The following REC114 variants were observed in gnomAD, a reference collection of about 807,000 sequenced individuals.
REC114 encodes the protein REC114 meiotic recombination protein, also known as meiotic recombination protein REC114.
Under a neutral mutation model 31.3 loss-of-function variants are expected in REC114, and 27 were observed. The ratio of observed to expected loss-of-function variants is 0.86; its 90% confidence interval spans 0.64 to 1.19. The LOEUF is 1.19. REC114 is among the 50% of genes most tolerant of loss of function. REC114 has a pLI of 0.00. For synonymous variants in REC114, 134 were observed against 127.7 expected (o/e 1.05, Z -0.33); for missense variants, 344 against 326.9 (o/e 1.05, Z -0.40).
chr15:73,486,599 A>T (rs80066760), intron 2 of REC114, among the ~76,000 whole-genome samples: 3,576 of 152,332 alleles, frequency 0.023, 66 homozygotes, highest in Non-Finnish European at 0.032. Context: ...GCAAATTTAT[A>T]TCTTACAGTT....
chr15:73,473,736 A>G, intron 1 of REC114, 96 bp from the exon 2 acceptor site: 1 of 671,892 alleles, frequency 1.5e-6, no homozygotes, highest in Non-Finnish European at 2.5e-6. Flanking sequence ...GAGTAAAAAG[A>G]TCAATATGAG....
chr15:73,449,630 C>T (rs1329051122), intron 1 of REC114, among the ~76,000 whole-genome samples: 2 of 152,226 alleles, frequency 1.3e-5, no homozygotes, highest in East Asian at 3.9e-4. Flanking sequence ...CATTCAAATT[C>T]AGGAAATACA....
At chr15:73,556,974 C>G (rs1265447472) in intron 5 of REC114, among the ~76,000 whole-genome samples, 1 of 151,994 alleles carries the variant, frequency 6.6e-6, no homozygotes, top group Non-Finnish European at 1.5e-5. Flanking sequence ...TTGTCTCCCC[C>G]TCACTGCATT....
chr15:73,483,274 C>T (rs1195217678), intron 2 of REC114: 4 of 156,190 alleles, frequency 2.6e-5, no homozygotes, highest in Non-Finnish European at 4.3e-5. Context: ...GCTGCCGCTG[C>T]TGCTGCTGCT....
At chr15:73,546,452 C>G (rs1264422708) in intron 3 of REC114, among the ~76,000 whole-genome samples, 1 of 151,960 alleles carries the variant, frequency 6.6e-6, no homozygotes, top group East Asian at 1.9e-4. Context: ...TGGAAATAAC[C>G]TAAATGTTCA....
At chr15:73,557,953 A>G (rs1230432251) in intron 5 of REC114, among the ~76,000 whole-genome samples, 1 of 152,238 alleles carries the variant, frequency 6.6e-6, no homozygotes, top group Non-Finnish European at 1.5e-5. Flanking sequence ...TATGTTCATC[A>G]CAATGCTTAA....
rs58043618 is a variant in REC114, at chr15:73,500,728, G to GTTT, written c.249+26823_249+26825dup. ...TTAAAGCCTGTTCTCTTCAATTATT[G>GTTT]TTTTTTTTTTTTTTTTTTCACTGCT... On this transcript the variant is annotated intron_variant, in intron 2 of 5. Transcript: ENST00000331090. Among the ~76,000 whole-genome samples the GTTT allele has an allele frequency of 1.7e-4, 18 of 103,726 alleles. 1 individual carries two copies. Among genetic ancestry groups the GTTT allele is most frequent in the African/African-American group, 4.0e-4 (12 of 30,178 alleles). The allele number at this position is 103,726 out of a possible 152,430, so 68.0% of individuals were successfully genotyped here.
chr15:73,486,763 G>A (rs1172531592), intron 2 of REC114, among the ~76,000 whole-genome samples: 2 of 152,092 alleles, frequency 1.3e-5, no homozygotes, highest in Non-Finnish European at 1.5e-5. Context: ...CTGGCTGGGC[G>A]CAGTGGCTCA....
chr15:73,553,180 C>A (rs746561440), intron 4 of REC114, among the ~76,000 whole-genome samples: 1 of 152,146 alleles, frequency 6.6e-6, no homozygotes, highest in Non-Finnish European at 1.5e-5. Context: ...ATTTATTATA[C>A]AATCTTTTTC....
chr15:73,553,231 G>GT (rs1894416573), intron 4 of REC114, among the ~76,000 whole-genome samples: 2 of 152,128 alleles, frequency 1.3e-5, no homozygotes, highest in Non-Finnish European at 2.9e-5. Flanking sequence ...AATGTATTTA[G>GT]TTTACCAAAC....
chr15:73,470,838 G>A (rs79616037), intron 1 of REC114, among the ~76,000 whole-genome samples: 3,230 of 152,224 alleles, frequency 0.021, 132 homozygotes, highest in African/African-American at 0.074. Flanking sequence ...GGAGTGAGTC[G>A]TGGTATCTAG....
At chr15:73,556,500 T>C (rs1894470467) in intron 5 of REC114, 109 bp downstream of exon 5, 2 of 912,872 alleles carry the variant, frequency 2.2e-6, no homozygotes, top group South Asian at 3.4e-5. Context: ...TTCTAAAGCA[T>C]TACTCTAAAA....
intron 2 of REC114, among the ~76,000 whole-genome samples, chr15:73,529,607 C>A (rs1894049913): frequency 6.6e-6 from 1 of 152,152 alleles, no homozygotes; most frequent in African/African-American, 2.4e-5. Context: ...TGGCTCATCA[C>A]ACTGTTTTAC....
At chr15:73,447,656 T>TAAATAAAG (rs1442525183) in intron 1 of REC114, among the ~76,000 whole-genome samples, 1 of 135,202 alleles carries the variant, frequency 7.4e-6, no homozygotes, top group Non-Finnish European at 1.6e-5. Flanking sequence ...TCAAAATAAA[T>TAAATAAAG]AAATAAATAA....
At chr15:73,461,870 T>C (rs891433494) in intron 1 of REC114, among the ~76,000 whole-genome samples, 8 of 151,710 alleles carry the variant, frequency 5.3e-5, no homozygotes, top group African/African-American at 1.9e-4. Flanking sequence ...ATTAATGTCT[T>C]CTGTTATGAT....
Position 73,470,184 on chromosome 15 carries a change from A to G in REC114, c.160-3648A>G, listed in dbSNP as rs571905148. 1.2e-4 allele frequency among the ~76,000 whole-genome samples: 19 copies of G among 152,128 alleles called. 3 individuals carry two copies. In the South Asian group the frequency reaches 3.9e-3, roughly 32 times the overall value. ...AGTCTGTTATCTTGCTATTTGTTTT[A>G]TAATTTTCCCATCTGTTCTTTGTTC... On this transcript the variant is annotated intron_variant, in intron 1 of 5. Transcript: ENST00000331090.
intron 2 of REC114, among the ~76,000 whole-genome samples, chr15:73,484,271 T>C (rs1051829497): frequency 1.3e-5 from 2 of 152,046 alleles, no homozygotes; most frequent in Admixed American, 6.6e-5. Context: ...GACTAGAAAG[T>C]GTGGCTTTTC....
chr15:73,519,187 A>G (rs891709478), intron 2 of REC114, among the ~76,000 whole-genome samples: 1 of 152,228 alleles, frequency 6.6e-6, no homozygotes, highest in Non-Finnish European at 1.5e-5. Context: ...TAAGCATTAC[A>G]TAGTATTAAG....
intron 3 of REC114, among the ~76,000 whole-genome samples, chr15:73,548,042 C>T (rs1894334893): frequency 1.3e-5 from 2 of 152,132 alleles, no homozygotes; most frequent in South Asian, 2.1e-4. Flanking sequence ...ATATCCAGCA[C>T]CTACAAGGAA....
Sources: allele counts gnomAD v4.1 joint callset (sites outside exome capture counted in the v4.1 genomes callset), GRCh38; gene constraint gnomAD v4.1.1; transcripts MANE v1.5; gene names NCBI Gene and HGNC (gene_info 2026-07-23, HGNC 2026-07-21).